The following GRM4 variants were observed in gnomAD, a reference collection of about 807,000 sequenced individuals.
GRM4 encodes metabotropic glutamate receptor 4.
In GRM4, 28 loss-of-function variants were observed where a neutral mutation model predicts 81.7. The observed-to-expected ratio is 0.34, with a 90% CI of 0.25 to 0.47. The LOEUF is 0.47. Ranked by LOEUF, GRM4 falls within the 20% of genes least tolerant of loss-of-function variation. GRM4 has a pLI of 1.00. For synonymous variants in GRM4, 488 were observed against 528.8 expected (o/e 0.92, Z 1.06); for missense variants, 948 against 1,290.0 (o/e 0.73, Z 4.06).
chr6:34,138,221 T>C (rs1213967207), intron 1 of GRM4, among the ~76,000 whole-genome samples: 3 of 152,014 alleles, frequency 2.0e-5, no homozygotes, highest in South Asian at 2.1e-4. Flanking sequence ...TCAGCTCCCA[T>C]AGGAAAAGGG....
Position 34,035,773 on chromosome 6 carries a change from C to T in GRM4, c.2337G>A (p.Glu779=). ...VYAIKTRGVP[E]TFNEAKPIGF... is the part of the protein sequence containing the mutation. ...CAATGGGCTTGGCCTCATTGAAGGT[C>T]TCGGGCACGCCGCGTGTCTTGATGG... is the stretch of plus-strand genomic sequence containing the variant. The change falls in exon 9 of 11, where the codon GAG becomes GAA. Residue 779 remains glutamate, a synonymous_variant. Transcript: ENST00000538487. This position sits in a 1 kb window ranked among gnomAD's most constrained non-coding sequence, Gnocchi z 6.6. The T allele has an allele frequency of 6.2e-7, 1 of 1,613,688 alleles. No homozygotes were observed. Among genetic ancestry groups the T allele is most frequent in the Non-Finnish European group, 8.5e-7 (1 of 1,179,600 alleles).
Position 34,035,812 on chromosome 6 carries a change from C to G in GRM4, c.2298G>C (p.Thr766=). ...GTGTCTTGATGGCATACACGGTGCA[C>G]GTGACCATGAGCAGCATGCTGTAGC... ...LLGYSMLLMV[T]CTVYAIKTRG... The change falls in exon 9 of 11, where the codon ACG becomes ACC. Residue 766 remains threonine (T), a synonymous_variant. Coordinates refer to ENST00000538487, the MANE Select transcript of GRM4 (RefSeq NM_000841.4). This position sits in a 1 kb window ranked among gnomAD's most constrained non-coding sequence, Gnocchi z 6.6. 1 of 1,613,826 alleles carries G rather than the reference C, an allele frequency of 6.2e-7. No individual in the cohort carries two copies. Among genetic ancestry groups the G allele is most frequent in the South Asian group, 1.1e-5 (1 of 91,062 alleles).
chr6:34,062,832 A>C (rs1317367325), intron 3 of GRM4: 1 of 152,004 alleles, frequency 6.6e-6, no homozygotes, highest in African/African-American at 2.4e-5. Context: ...GGCAGGGGAC[A>C]GATGTCATTC....
intron 3 of GRM4, among the ~76,000 whole-genome samples, chr6:34,081,659 G>A (rs574490470): frequency 3.3e-5 from 5 of 152,358 alleles, no homozygotes; most frequent in South Asian, 4.1e-4. Flanking sequence ...AGAGTGGGAC[G>A]CAGGCTGCTG....
In GRM4 at chr6:34,090,613, C is replaced by T. The variant is rs895603200; in HGVS notation, c.736+1270G>A. ...AGTGGGGAGTAGCCTGGAGCCTCAG[C>T]CATCAGTCAGTGCTGCCCCACTTCC... On this transcript the variant is annotated intron_variant, in intron 3 of 10. Transcript: ENST00000538487. This position sits in a 1 kb window ranked among gnomAD's most constrained non-coding sequence, Gnocchi z 5.2. Among the ~76,000 whole-genome samples the T allele has an allele frequency of 6.6e-6, 1 of 152,082 alleles. No individual in the cohort carries two copies. The highest frequency in any genetic ancestry group is 6.5e-5 in the Admixed American group (1 of 15,276).
intron 2 of GRM4, among the ~76,000 whole-genome samples, chr6:34,128,169 C>A (rs1231054039): frequency 6.6e-6 from 1 of 152,180 alleles, no homozygotes; most frequent in Non-Finnish European, 1.5e-5. Context: ...ACGCAAGAGG[C>A]CCAGCAGATG....
rs1237350515 is a variant in GRM4 at position 34,048,290 on chromosome 6, G to A, written c.1169-7542C>T. Among the ~76,000 whole-genome samples the A allele has an allele frequency of 3.9e-5, 6 of 152,260 alleles. No homozygotes were observed. Among genetic ancestry groups the A allele is most frequent in the South Asian group, 4.1e-4 (2 of 4,824 alleles). ...AGCATCTATGAGCTTCAGGCCCCTCGTCTGTGAAGTAAAGCTGGCACCTGG... is the reference window on the plus strand; with the variant it reads ...AGCATCTATGAGCTTCAGGCCCCTCATCTGTGAAGTAAAGCTGGCACCTGG... On this transcript the variant is annotated intron_variant, in intron 6 of 10. Transcript: ENST00000538487. This position sits in a 1 kb window ranked among gnomAD's most constrained non-coding sequence, Gnocchi z 4.0.
rs565567747 is a variant in GRM4, at chr6:34,142,907, G to A, written c.-364+3093C>T. On this transcript the variant is annotated intron_variant, in intron 1 of 10. Coordinates refer to ENST00000538487, the MANE Select transcript of GRM4 (RefSeq NM_000841.4). Reference sequence around the variant, plus strand: ...CCTGACATGCTCCCGCCTCCCCTCCGCCTGCTCAGGACCTGTGCTTGGTGA... The same window carrying A: ...CCTGACATGCTCCCGCCTCCCCTCCACCTGCTCAGGACCTGTGCTTGGTGA... Among the ~76,000 whole-genome samples, 4 of 152,296 alleles carry A rather than the reference G, an allele frequency of 2.6e-5. No homozygotes were observed. The East Asian group carries it at 5.8e-4, about 22-fold the overall frequency.
At position 34,090,403 on chromosome 6, in the gene GRM4, C is replaced by T. The variant is rs1471436136; in HGVS notation, c.736+1480G>A. On this transcript the variant is annotated intron_variant, in intron 3 of 10. Coordinates refer to ENST00000538487, the MANE Select transcript of GRM4 (RefSeq NM_000841.4). This position sits in a 1 kb window ranked among gnomAD's most constrained non-coding sequence, Gnocchi z 5.2. ...GGGAGGTGCTGTCCAGAGGTAGGTG[C>T]CCAGGTCTTGGGTCTGAGCAAAGGA... Among the ~76,000 whole-genome samples, 2 of 152,070 alleles carry T rather than the reference C, an allele frequency of 1.3e-5. No homozygotes were observed. Among genetic ancestry groups the T allele is most frequent in the African/African-American group, 4.8e-5 (2 of 41,388 alleles).
chr6:34,146,199 C>T, upstream of GRM4: 5 of 934,518 alleles, frequency 5.4e-6, no homozygotes, highest in Non-Finnish European at 6.4e-6. Context: ...CATTTGCACA[C>T]CCCACTGCTC....
At chr6:34,067,144 G>A (rs989853312) in intron 3 of GRM4, among the ~76,000 whole-genome samples, 5 of 152,154 alleles carry the variant, frequency 3.3e-5, no homozygotes, top group Non-Finnish European at 7.3e-5. Flanking sequence ...GCATCCCCAC[G>A]TGAACATGAC....
intron 2 of GRM4, among the ~76,000 whole-genome samples, chr6:34,100,658 T>C (rs1038800491): frequency 6.6e-6 from 1 of 152,234 alleles, no homozygotes; most frequent in African/African-American, 2.4e-5. Context: ...AGACAATCAA[T>C]AGTGAATGAA....
intron 3 of GRM4, among the ~76,000 whole-genome samples, chr6:34,085,445 AG>A (rs1767834136): frequency 6.6e-6 from 1 of 152,182 alleles, no homozygotes; most frequent in African/African-American, 2.4e-5. Context: ...AGAGAGAGGA[AG>A]GGGAACAGCC....
chr6:34,053,127 C>T (rs1286475613), intron 6 of GRM4, among the ~76,000 whole-genome samples: 1 of 152,250 alleles, frequency 6.6e-6, no homozygotes, highest in Admixed American at 6.5e-5. Flanking sequence ...ATCTCTAAAC[C>T]TCACAGCTCA....
rs1199598548 is a variant in GRM4 at position 34,146,086 on chromosome 6, G to A, written c.-450C>T. The A allele has an allele frequency of 3.8e-5, 37 of 985,314 alleles. No individual in the cohort carries two copies. The highest frequency in any genetic ancestry group is 4.2e-5 in the Non-Finnish European group (35 of 829,948). 61.0% of individuals were successfully genotyped at this position (985,314 alleles called of 1,614,324 possible). ...CCTAACACACACCCAGAAAAGTACA[G>A]CAAAGCACAGGGACGCAGAGGGGCG... On this transcript the variant is annotated 5_prime_UTR_variant, in exon 1 of 11. Transcript: ENST00000538487.
chr6:34,085,386 TC>T (rs2127481685), intron 3 of GRM4, among the ~76,000 whole-genome samples: 1 of 152,234 alleles, frequency 6.6e-6, no homozygotes, highest in East Asian at 1.9e-4. Context: ...AAGTTCCTGC[TC>T]CCTACCTTAT....
At chr6:34,151,846 CA>C (rs1771053134) in intron 1 of GRM4, among the ~76,000 whole-genome samples, 1 of 152,236 alleles carries the variant, frequency 6.6e-6, no homozygotes, top group South Asian at 2.1e-4. Context: ...AGGGTCCTCA[CA>C]AGTGAGTGTT....
chr6:34,117,991 G>A (rs1212057205), intron 2 of GRM4, among the ~76,000 whole-genome samples: 2 of 152,150 alleles, frequency 1.3e-5, no homozygotes. Flanking sequence ...ACTAATCAAG[G>A]ATATTGGAAC....
Position 34,090,258 on chromosome 6 carries a change from C to T in GRM4, c.736+1625G>A, listed in dbSNP as rs1768130466. On this transcript the variant is annotated intron_variant, in intron 3 of 10. Transcript: ENST00000538487. The surrounding 1 kb of genome is among the most constrained non-coding windows in gnomAD (Gnocchi z 5.2). ...AGACTCAGGGCCCTTGATCCCTTCC[C>T]CCATCCTATACCTTTGCCCCTAAAT... Among the ~76,000 whole-genome samples, 1 of 152,160 alleles carries T rather than the reference C, an allele frequency of 6.6e-6. No individual in the cohort carries two copies. Among genetic ancestry groups the T allele is most frequent in the African/African-American group, 2.4e-5 (1 of 41,430 alleles).
Sources: allele counts gnomAD v4.1 joint callset (sites outside exome capture counted in the v4.1 genomes callset), GRCh38; gene constraint gnomAD v4.1.1; non-coding constraint Gnocchi (gnomAD v3.1); transcripts MANE v1.5; gene names NCBI Gene and HGNC (gene_info 2026-07-23, HGNC 2026-07-21).